The following NCBP2 variants were observed in gnomAD, a reference collection of about 807,000 sequenced individuals.
NCBP2 encodes the protein nuclear cap-binding protein subunit 2.
In NCBP2, 8 loss-of-function variants were observed where a neutral mutation model predicts 21.5. That is an observed-to-expected ratio of 0.37 (90% confidence interval 0.22 to 0.67). NCBP2 has a LOEUF of 0.67. Among genes scored for constraint, NCBP2 ranks in the 30% least tolerant of loss-of-function variants. NCBP2 has a pLI of 0.56. For synonymous variants in NCBP2, 92 were observed against 75.8 expected (o/e 1.21, Z -1.11); for missense variants, 127 against 206.9 (o/e 0.61, Z 2.37).
At position 196,936,694 on chromosome 3, in the gene NCBP2, T is replaced by C; in HGVS notation, c.*317A>G. ...TATGGTAAAAACAAATTCTTACATT[T>C]TTCTGTCTTTCTAAAAGTGTAGTGG... On this transcript the variant is annotated 3_prime_UTR_variant, in exon 4 of 4. Transcript: ENST00000321256. 3 of 349,166 alleles carry C rather than the reference T, an allele frequency of 8.6e-6. No individual in the cohort carries two copies. In the South Asian group the frequency reaches 1.2e-4, roughly 14 times the overall value. 21.6% of individuals were successfully genotyped at this position (349,166 alleles called of 1,614,324 possible).
intron 2 of NCBP2, 63 bp downstream of exon 2, chr3:196,939,188 A>G (rs553783): frequency 0.73 from 1,080,887 of 1,476,772 alleles, 399,040 homozygotes; most frequent in East Asian, 0.92. Context: ...AGGGACGCTT[A>G]TGAGCTACCA....
intron 1 of NCBP2, chr3:196,942,048 G>A (rs1231155005): frequency 2.9e-5 from 44 of 1,534,588 alleles, no homozygotes; most frequent in Non-Finnish European, 3.8e-5. Context: ...CATCAGGAAG[G>A]CGCCTCTGCC....
At chr3:196,937,685 T>G in intron 2 of NCBP2, 37 bp from the exon 3 acceptor site, 2 of 1,608,972 alleles carry the variant, frequency 1.2e-6, no homozygotes, top group Non-Finnish European at 1.7e-6. Context: ...TTTCCAAACA[T>G]TTCTGGAAAT....
Position 196,935,757 on chromosome 3 carries a change from G to A in NCBP2, c.*1254C>T, listed in dbSNP as rs534023954. 3.3e-5 allele frequency: 5 copies of A among 152,208 alleles called. No homozygotes were observed. The highest frequency in any genetic ancestry group is 9.6e-5 in the African/African-American group (4 of 41,518). The allele number at this position is 152,208 out of a possible 1,614,324, so 9.4% of individuals were successfully genotyped here. On this transcript the variant is annotated 3_prime_UTR_variant, in exon 4 of 4. Coordinates refer to ENST00000321256, the MANE Select transcript of NCBP2 (RefSeq NM_007362.5). ...AAAAAATGCACATTTTTTCATATCAGGGAAAATTATACTGGACTTAACAGT... is the reference window on the plus strand; with the variant it reads ...AAAAAATGCACATTTTTTCATATCAAGGAAAATTATACTGGACTTAACAGT...
At chr3:196,942,032 C>G (rs1716610490) in intron 1 of NCBP2, 2 of 1,535,702 alleles carry the variant, frequency 1.3e-6, no homozygotes, top group East Asian at 4.9e-5. Flanking sequence ...AAAAGCCCCG[C>G]ATCTGCATCA....
intron 1 of NCBP2, chr3:196,941,264 T>A (rs993179593): frequency 1.3e-5 from 2 of 152,120 alleles, no homozygotes; most frequent in African/African-American, 4.8e-5. Context: ...GCCTAATTTT[T>A]GTATTTTTAG....
rs768439125 is a variant in NCBP2 at position 196,937,505 on chromosome 3, C to T, written c.399+5G>A. The stretch of plus-strand genomic sequence containing the variant: ...TGGCTGAGCCCAGAGACCCTTCTTG[C>T]ATACCTGGCCCCCAGATCGCCCACG... On this transcript the variant is annotated splice_donor_5th_base_variant and intron_variant, in intron 3 of 3. Transcript: ENST00000321256. 4 of 1,613,878 alleles carry T rather than the reference C, an allele frequency of 2.5e-6. No individual in the cohort carries two copies. Among genetic ancestry groups the T allele is most frequent in the Non-Finnish European group, 3.4e-6 (4 of 1,180,024 alleles).
At chr3:196,941,936 G>A (rs1245948643) in intron 1 of NCBP2, 2 of 1,536,148 alleles carry the variant, frequency 1.3e-6, no homozygotes, top group Non-Finnish European at 1.7e-6. Flanking sequence ...CCCACGCACC[G>A]CGTACAGCTT....
Position 196,935,977 on chromosome 3 carries a change from CTG to C in NCBP2, c.*1032_*1033del, listed in dbSNP as rs1432066642. On this transcript the variant is annotated 3_prime_UTR_variant, in exon 4 of 4. Coordinates refer to ENST00000321256, the MANE Select transcript of NCBP2 (RefSeq NM_007362.5). ...CATCTGCTGCAGGAACCTTCTGTGA[CTG>C]TCAAACATTCCCTCTTCAAGCTCCC... 1.3e-5 allele frequency: 2 copies of C among 152,204 alleles called. No individual in the cohort carries two copies. The highest frequency in any genetic ancestry group is 2.9e-5 in the Non-Finnish European group (2 of 68,028). 9.4% of individuals were successfully genotyped at this position (152,204 alleles called of 1,614,324 possible). A position where few individuals can be genotyped will look rare whatever the true frequency, so the allele number is the denominator to read the frequency against.
intron 1 of NCBP2, 136 bp downstream of exon 1, chr3:196,942,290 C>A: frequency 6.6e-7 from 1 of 1,513,250 alleles, no homozygotes; most frequent in South Asian, 1.3e-5. Context: ...TTCCCTGCCT[C>A]GCCAGCAGGC....
At chr3:196,942,281 T>C in intron 1 of NCBP2, 145 bp downstream of exon 1, 1 of 1,505,154 alleles carries the variant, frequency 6.6e-7, no homozygotes, top group Non-Finnish European at 8.9e-7. Context: ...CAGCACCCAT[T>C]CCCTGCCTCG....
At position 196,942,527 on chromosome 3, in the gene NCBP2, G is replaced by A. The variant is rs115005109; in HGVS notation, c.-24C>T. On this transcript the variant is annotated 5_prime_UTR_variant, in exon 1 of 4. Transcript: ENST00000321256. ...ATAGTGCAGAGAAGCGGACCACAAT[G>A]CGGCGACTCCCGGCACGAGGCTGCG... 722 of 1,607,220 alleles carry A rather than the reference G, an allele frequency of 4.5e-4. 6 individuals are homozygous for A. In the African/African-American group the frequency reaches 9.1e-3, roughly 20 times the overall value.
rs1716229242 is a variant in NCBP2 at position 196,935,707 on chromosome 3, T to G, written c.*1304A>C. ...CCAACTTTCACGGACTATTGGAAAT[T>G]AGAAGGTACTTTGTTGCTAAGTGAA... is the stretch of plus-strand genomic sequence containing the variant. On this transcript the variant is annotated 3_prime_UTR_variant, in exon 4 of 4. Coordinates refer to ENST00000321256, the MANE Select transcript of NCBP2 (RefSeq NM_007362.5). 6.6e-6 allele frequency: 1 copy of G among 152,206 alleles called. No homozygotes were observed. 9.4% of individuals were successfully genotyped at this position (152,206 alleles called of 1,614,324 possible).
Position 196,935,901 on chromosome 3 carries a change from A to C in NCBP2, c.*1110T>G, listed in dbSNP as rs1165836849. ...ACCATCAGCTCACTGTGAAGGCTTG[A>C]GCCTCAGTAGGTAAAATTTGAGGAA... On this transcript the variant is annotated 3_prime_UTR_variant, in exon 4 of 4. Transcript: ENST00000321256. 6.6e-6 allele frequency: 1 copy of C among 152,184 alleles called. No individual in the cohort carries two copies. The highest frequency in any genetic ancestry group is 2.4e-5 in the African/African-American group (1 of 41,446). 9.4% of individuals were successfully genotyped at this position (152,184 alleles called of 1,614,324 possible). A position where few individuals can be genotyped will look rare whatever the true frequency, so the allele number is the denominator to read the frequency against.
In NCBP2 at chr3:196,936,994, G is replaced by A. The variant is rs778366118; in HGVS notation, c.*17C>T. 1.2e-6 allele frequency: 2 copies of A among 1,613,114 alleles called. No homozygotes were observed. The highest frequency in any genetic ancestry group is 1.7e-6 in the Non-Finnish European group (2 of 1,179,066). ...ACAGGCCAAAGGAGTGTTTGTCACTGACAGAGCTCTCACCACTCACTGGTT... is the reference window on the plus strand; with the variant it reads ...ACAGGCCAAAGGAGTGTTTGTCACTAACAGAGCTCTCACCACTCACTGGTT... On this transcript the variant is annotated 3_prime_UTR_variant, in exon 4 of 4. Coordinates refer to ENST00000321256, the MANE Select transcript of NCBP2 (RefSeq NM_007362.5).
At chr3:196,941,509 C>A in intron 1 of NCBP2, 1 of 205,446 alleles carries the variant, frequency 4.9e-6, no homozygotes, top group Admixed American at 5.3e-5. Context: ...GCGCCCCTTC[C>A]TTTCCCAGTC....
chr3:196,937,235 C>A, intron 3 of NCBP2, 153 bp from the exon 4 acceptor site: 1 of 841,080 alleles, frequency 1.2e-6, no homozygotes, highest in South Asian at 1.5e-5. Context: ...CACTTCAGTG[C>A]GTTTTGCTTT....
At chr3:196,937,179 G>C in intron 3 of NCBP2, 97 bp from the exon 4 acceptor site, 2 of 1,161,186 alleles carry the variant, frequency 1.7e-6, no homozygotes, top group Non-Finnish European at 2.6e-6. Flanking sequence ...AACCTGTTCA[G>C]ATGCCACAAT....
intron 3 of NCBP2, 81 bp downstream of exon 3, chr3:196,937,429 G>C (rs1716315631): frequency 1.3e-6 from 2 of 1,575,922 alleles, no homozygotes; most frequent in Admixed American, 3.6e-5. Flanking sequence ...TTACAAAAGA[G>C]TAAATACAAA....
Sources: allele counts gnomAD v4.1 joint callset, GRCh38; gene constraint gnomAD v4.1.1; transcripts MANE v1.5; gene names NCBI Gene and HGNC (gene_info 2026-07-23, HGNC 2026-07-21).